The following MTCH2 variants were observed in gnomAD, a reference collection of about 807,000 sequenced individuals.
MTCH2 encodes mitochondrial carrier 2, also known as mitochondrial carrier homolog 2.
MTCH2 carries 25 observed loss-of-function variants against 50.6 expected under a neutral mutation model. The ratio of observed to expected loss-of-function variants is 0.49; its 90% CI spans 0.36 to 0.69. MTCH2 has a LOEUF of 0.69. MTCH2 is among the 30% of genes least tolerant of loss of function. The probability of loss-of-function intolerance (pLI) is 0.00; values close to 1 mark genes in which losing one functional copy is unlikely to be tolerated. For synonymous variants in MTCH2, 106 were observed against 132.0 expected, an observed-to-expected ratio of 0.80 and a Z score of 1.35; for missense variants, 273 against 384.4, an observed-to-expected ratio of 0.71 and a Z score of 2.42.
the MTCH2 span, among the ~76,000 whole-genome samples, chr11:47,608,828 G>C: frequency 6.6e-6 from 1 of 151,528 alleles, no homozygotes; most frequent in Non-Finnish European, 1.5e-5. Flanking sequence ...CGTGGTGGTG[G>C]GCACCTGTAG....
At chr11:47,611,950 T>G in the MTCH2 span, among the ~76,000 whole-genome samples, 1 of 152,152 alleles carries the variant, frequency 6.6e-6, no homozygotes, top group Non-Finnish European at 1.5e-5. Context: ...CATGGGACAC[T>G]GGCGACCAGA....
downstream of MTCH2, among the ~76,000 whole-genome samples, chr11:47,612,429 G>T (rs1287750844): frequency 6.6e-6 from 1 of 152,166 alleles, no homozygotes; most frequent in South Asian, 2.1e-4. Context: ...TTAGCCGGGC[G>T]TGGTGGCGGG....
At position 47,618,807 on chromosome 11, in the gene MTCH2, A is replaced by C; in HGVS notation, c.*26T>G. ...AATTCTGTGCATCTGGGACTACAGA[A>C]ATGTCACTGTCCCTGCCCCACATCT... On this transcript the variant is annotated 3_prime_UTR_variant, in exon 13 of 13. Coordinates refer to ENST00000302503, the MANE Select transcript of MTCH2 (RefSeq NM_014342.4). The C allele has an allele frequency of 6.3e-7, 1 of 1,599,002 alleles. No homozygotes were observed. The highest frequency in any genetic ancestry group is 8.6e-7 in the Non-Finnish European group (1 of 1,166,142).
the MTCH2 span, among the ~76,000 whole-genome samples, chr11:47,609,559 G>A: frequency 2.0e-5 from 3 of 148,786 alleles, no homozygotes; most frequent in East Asian, 2.0e-4. Flanking sequence ...CCCGGGAGAC[G>A]GAGGTTGCAG....
At chr11:47,630,734 C>G in intron 7 of MTCH2, 120 bp from the exon 8 acceptor site, 1 of 897,282 alleles carries the variant, frequency 1.1e-6, no homozygotes, top group Non-Finnish European at 1.7e-6. Flanking sequence ...TCACACTTTT[C>G]TAGCACTCTC....
intron 1 of MTCH2, among the ~76,000 whole-genome samples, chr11:47,639,387 C>T (rs570309734): frequency 1.0e-3 from 152 of 152,314 alleles, no homozygotes; most frequent in African/African-American, 3.6e-3. Context: ...TAAATAAAAT[C>T]TAAGGCACAT....
intron 7 of MTCH2, 104 bp from the exon 8 acceptor site, chr11:47,630,718 C>T: frequency 2.9e-6 from 3 of 1,048,084 alleles, no homozygotes; most frequent in Non-Finnish European, 2.9e-6. Flanking sequence ...CCACGACCTC[C>T]TTCCCTCACA....
chr11:47,620,902 T>G (rs1440211426), intron 12 of MTCH2, among the ~76,000 whole-genome samples: 1 of 152,228 alleles, frequency 6.6e-6, no homozygotes, highest in Admixed American at 6.5e-5. Context: ...TAGCATGATA[T>G]CTGGTATACA....
chr11:47,640,767 G>A (rs1487283108), intron 1 of MTCH2, among the ~76,000 whole-genome samples: 1 of 151,920 alleles, frequency 6.6e-6, no homozygotes, highest in Non-Finnish European at 1.5e-5. Context: ...CAAAACTCCT[G>A]GGCTACTTGG....
chr11:47,610,268 C>A, the MTCH2 span, among the ~76,000 whole-genome samples: 1 of 152,190 alleles, frequency 6.6e-6, no homozygotes, highest in Non-Finnish European at 1.5e-5. Context: ...CCACTTGCCT[C>A]CAAATGCTTT....
intron 5 of MTCH2, among the ~76,000 whole-genome samples, 198 bp from the exon 6 acceptor site, chr11:47,631,909 T>C (rs190510716): frequency 4.6e-5 from 7 of 152,324 alleles, no homozygotes; most frequent in South Asian, 2.1e-4. Flanking sequence ...TTTTCACTCA[T>C]GGATCTCAAT....
downstream of MTCH2, among the ~76,000 whole-genome samples, chr11:47,615,031 CTTTTTTTTT>C (rs61122824): frequency 2.7e-4 from 12 of 44,880 alleles, no homozygotes; most frequent in Non-Finnish European, 3.6e-4. Context: ...CCCAGTGAGG[CTTTTTTTTT>C]TTTTTTTTTT....
intron 3 of MTCH2, among the ~76,000 whole-genome samples, chr11:47,637,830 C>T (rs2097310127): frequency 6.6e-6 from 1 of 152,092 alleles, no homozygotes; most frequent in Non-Finnish European, 1.5e-5. Flanking sequence ...ATTCCAGGTC[C>T]TTGGCTAGAA....
intron 1 of MTCH2, among the ~76,000 whole-genome samples, chr11:47,640,197 C>T (rs1316068877): frequency 5.3e-5 from 8 of 151,838 alleles, no homozygotes; most frequent in Admixed American, 2.0e-4. Context: ...GGTGTGGTGG[C>T]GGACACCTGT....
Position 47,638,733 on chromosome 11 carries a change from A to C in MTCH2, c.245T>G (p.Val82Gly). The change falls in exon 3 of 13, where the codon GTC (valine) becomes GGC (glycine). Residue 82 changes from valine to glycine, a missense_variant. Val to Gly is a moderately radical substitution (Grantham distance 109). This residue lies in a region of MTCH2 where 203 missense variants were observed against 244.3 expected (regional missense o/e 0.83). Transcript: ENST00000302503. Reference protein sequence around the residue: ...TGLTPRLCSGVLGTVVHGKVL... With the variant: ...TGLTPRLCSGGLGTVVHGKVL... ...TTTACCATGGACCACAGTTCCAAGG[A>C]CTCCCGAACACAGTCTTGGAGTTAA... 6.2e-7 allele frequency: 1 copy of C among 1,614,134 alleles called. No individual in the cohort carries two copies. The highest frequency in any genetic ancestry group is 8.5e-7 in the Non-Finnish European group (1 of 1,180,050).
chr11:47,617,029 A>G (rs1332160853), downstream of MTCH2, among the ~76,000 whole-genome samples: 1 of 152,172 alleles, frequency 6.6e-6, no homozygotes, highest in African/African-American at 2.4e-5. Flanking sequence ...TAGCCCCTGA[A>G]TATCTTTAGA....
intron 12 of MTCH2, among the ~76,000 whole-genome samples, chr11:47,619,633 T>A (rs2097291375): frequency 6.6e-6 from 1 of 152,042 alleles, no homozygotes; most frequent in Non-Finnish European, 1.5e-5. Context: ...TAAGACCCCA[T>A]CTCTACAAGA....
chr11:47,635,394 G>A, intron 4 of MTCH2, 151 bp downstream of exon 4: 1 of 792,498 alleles, frequency 1.3e-6, no homozygotes, highest in Non-Finnish European at 2.1e-6. Context: ...GTTTCAAACA[G>A]AACTGTCCAA....
chr11:47,622,835 T>C (rs756416067), intron 11 of MTCH2, 59 bp from the exon 12 acceptor site: 52 of 1,153,348 alleles, frequency 4.5e-5, no homozygotes, highest in Non-Finnish European at 6.0e-5. Flanking sequence ...TCTTGAGACG[T>C]TGATAAACCT....
Sources: gnomAD v4.1 joint callset for allele counts (sites outside exome capture counted in the v4.1 genomes callset) on GRCh38, gnomAD v4.1.1 for gene constraint, gnomAD v4.1.1 regional missense constraint, MANE v1.5 for transcripts, NCBI Gene and HGNC (gene_info 2026-07-23, HGNC 2026-07-21) for gene names.